ERC2: variants seen among roughly 807,000 people sequenced by gnomAD.
ERC2 encodes the protein ELKS/RAB6-interacting/CAST family member 2.
Under a neutral mutation model 114.8 loss-of-function variants are expected in ERC2, and 42 were observed. The observed-to-expected ratio is 0.37, with a 90% confidence interval of 0.29 to 0.47. The LOEUF (loss-of-function observed/expected upper bound fraction) is 0.47, where lower values mean the gene tolerates loss of function less well. Ranked by LOEUF, ERC2 falls within the 20% of genes least tolerant of loss-of-function variation. The probability of loss-of-function intolerance (pLI) is 0.99; values close to 1 mark genes in which losing one functional copy is unlikely to be tolerated. For missense variants in ERC2, 939 were observed against 1,150.7 expected, an observed-to-expected ratio of 0.82 and a Z score of 2.66; for synonymous variants, 454 against 425.5, an observed-to-expected ratio of 1.07 and a Z score of -0.82.
chr3:56,103,040 G>A (rs1476367388), intron 6 of ERC2, among the ~76,000 whole-genome samples: 1 of 152,118 alleles, frequency 6.6e-6, no homozygotes, highest in Non-Finnish European at 1.5e-5. Flanking sequence ...ATAAATGTTG[G>A]TTACCTGTTA....
At chr3:56,178,925 GA>G (rs1179138102) in intron 3 of ERC2, among the ~76,000 whole-genome samples, 1 of 152,084 alleles carries the variant, frequency 6.6e-6, no homozygotes, top group South Asian at 2.1e-4. Context: ...AAAGCTTCAT[GA>G]AAAGGTGACG....
At chr3:55,595,521 A>C (rs2058087539) in intron 17 of ERC2, among the ~76,000 whole-genome samples, 1 of 152,180 alleles carries the variant, frequency 6.6e-6, no homozygotes, top group Non-Finnish European at 1.5e-5. Context: ...CTGAACAAAG[A>C]CTTTCCCATT....
rs201152700 is a variant in ERC2, at chr3:56,406,138, C to G, written c.657+28213G>C. 2.4e-4 allele frequency among the ~76,000 whole-genome samples: 15 copies of G among 63,270 alleles called. 2 individuals are homozygous for G. The East Asian group carries it at 3.6e-3, about 15-fold the overall frequency. The allele number at this position is 63,270 out of a possible 152,430, so 41.5% of individuals were successfully genotyped here. ...GAACTCCTGGCCTCAAGTGATCTGC[C>G]CACATCAGCTTCCCAAAGTACTGGG... On this transcript the variant is annotated intron_variant, in intron 2 of 17. Coordinates refer to ENST00000288221, the MANE Select transcript of ERC2 (RefSeq NM_015576.3).
intron 4 of ERC2, among the ~76,000 whole-genome samples, chr3:56,157,859 T>C (rs1255478091): frequency 6.6e-6 from 1 of 152,044 alleles, no homozygotes; most frequent in African/African-American, 2.4e-5. Flanking sequence ...CATGTGATGG[T>C]TGGTATGCTG....
intron 12 of ERC2, among the ~76,000 whole-genome samples, chr3:55,971,704 G>T (rs979494085): frequency 7.2e-5 from 11 of 152,260 alleles, no homozygotes; most frequent in African/African-American, 2.6e-4. Context: ...GTAAGGATCA[G>T]TACCTTTCTC....
At chr3:56,282,981 T>G (rs1261687660) in intron 3 of ERC2, among the ~76,000 whole-genome samples, 2 of 152,232 alleles carry the variant, frequency 1.3e-5, no homozygotes, top group Non-Finnish European at 2.9e-5. Flanking sequence ...CACAAAGGTT[T>G]CCTGTCTTCT....
chr3:56,084,629 C>G (rs968323488), intron 6 of ERC2, among the ~76,000 whole-genome samples: 1 of 152,110 alleles, frequency 6.6e-6, no homozygotes, highest in Non-Finnish European at 1.5e-5. Context: ...TGCATGTTCT[C>G]ACTTCTAAGT....
chr3:56,352,746 G>T (rs1194919845), intron 2 of ERC2, among the ~76,000 whole-genome samples: 1 of 152,114 alleles, frequency 6.6e-6, no homozygotes, highest in Non-Finnish European at 1.5e-5. Flanking sequence ...ACTGGGGAAG[G>T]CTCCATTTCC....
intron 14 of ERC2, among the ~76,000 whole-genome samples, chr3:55,774,402 C>T (rs1190421461): frequency 1.3e-5 from 2 of 152,250 alleles, no homozygotes; most frequent in Non-Finnish European, 2.9e-5. Context: ...GAGCAGGATA[C>T]AAAGCACTCA....
intron 3 of ERC2, among the ~76,000 whole-genome samples, chr3:56,203,979 A>C (rs1392540526): frequency 1.3e-5 from 2 of 152,096 alleles, no homozygotes; most frequent in Non-Finnish European, 2.9e-5. Flanking sequence ...CAGGAGTTCA[A>C]GACCAGCCTG....
chr3:55,830,312 TA>T (rs1007926179), intron 14 of ERC2, among the ~76,000 whole-genome samples: 2 of 152,242 alleles, frequency 1.3e-5, no homozygotes, highest in East Asian at 1.9e-4. Flanking sequence ...AGACCTACTC[TA>T]AAAAAATGAT....
chr3:55,941,453 T>C (rs1214210927), intron 13 of ERC2, among the ~76,000 whole-genome samples: 3 of 152,144 alleles, frequency 2.0e-5, no homozygotes, highest in Admixed American at 6.5e-5. Flanking sequence ...CTATCTCAGC[T>C]CCAGAGCAAC....
intron 6 of ERC2, among the ~76,000 whole-genome samples, chr3:56,129,037 C>T (rs888961813): frequency 1.3e-5 from 2 of 152,288 alleles, no homozygotes; most frequent in African/African-American, 4.8e-5. Flanking sequence ...GGTAGAAATG[C>T]TTGCAATAAT....
chr3:55,982,644 C>T (rs732255), intron 12 of ERC2, among the ~76,000 whole-genome samples: 52,668 of 151,866 alleles, frequency 0.35, 10,015 homozygotes, highest in East Asian at 0.67. Flanking sequence ...GTCAGTTTTT[C>T]GTCAGGTATT....
At chr3:56,333,899 C>T (rs780430905) in intron 2 of ERC2, among the ~76,000 whole-genome samples, 5 of 152,200 alleles carry the variant, frequency 3.3e-5, no homozygotes, top group Non-Finnish European at 7.3e-5. Context: ...ACTCCAGCCA[C>T]TCTTGGGAGG....
chr3:55,834,369 T>A (rs1360835478), intron 14 of ERC2, among the ~76,000 whole-genome samples: 3 of 152,074 alleles, frequency 2.0e-5, no homozygotes, highest in Admixed American at 1.3e-4. Context: ...AGTAAAGCTC[T>A]CCTCAGCAAA....
chr3:55,675,384 T>C (rs1009583124), intron 17 of ERC2, among the ~76,000 whole-genome samples: 4 of 152,146 alleles, frequency 2.6e-5, no homozygotes, highest in Admixed American at 1.3e-4. Context: ...AAGGAATATA[T>C]GGGGGAGGCC....
chr3:55,663,764 A>G (rs41492544), intron 17 of ERC2, among the ~76,000 whole-genome samples: 2,132 of 152,344 alleles, frequency 0.014, 33 homozygotes, highest in African/African-American at 0.042. Context: ...GGATTTACCA[A>G]TATTAACTAA....
intron 3 of ERC2, among the ~76,000 whole-genome samples, chr3:56,182,655 A>T (rs551425048): frequency 6.6e-6 from 1 of 152,272 alleles, no homozygotes; most frequent in African/African-American, 2.4e-5. Context: ...ACCTTACTGA[A>T]CTGTACTGCA....
Sources: gnomAD v4.1 joint callset for allele counts (sites outside exome capture counted in the v4.1 genomes callset) on GRCh38, gnomAD v4.1.1 for gene constraint, MANE v1.5 for transcripts, NCBI Gene and HGNC (gene_info 2026-07-23, HGNC 2026-07-21) for gene names.